Variants in ARMH3 observed in about 807,000 individuals in gnomAD.
The protein encoded by ARMH3 is armadillo-like helical domain-containing protein 3.
In ARMH3, 60 loss-of-function variants were observed where a neutral mutation model predicts 99.1. The ratio of observed to expected loss-of-function variants is 0.61; its 90% CI spans 0.49 to 0.75. ARMH3 has a LOEUF of 0.75. Among genes scored for constraint, ARMH3 ranks in the 30% least tolerant of loss-of-function variants. The probability of loss-of-function intolerance (pLI) is 0.00; values close to 1 mark genes in which losing one functional copy is unlikely to be tolerated. For missense variants in ARMH3, 679 were observed against 843.1 expected (o/e 0.81, Z 2.41); for synonymous variants, 285 against 292.8 (o/e 0.97, Z 0.27).
At chr10:101,951,115 A>G (rs1024104432) in intron 22 of ARMH3, among the ~76,000 whole-genome samples, 3 of 152,258 alleles carry the variant, frequency 2.0e-5, no homozygotes, top group African/African-American at 7.2e-5. Context: ...CAAGATTTTC[A>G]TGTTGTAAAA....
chr10:101,889,793 C>T (rs895634994), intron 23 of ARMH3: 4 of 306,514 alleles, frequency 1.3e-5, no homozygotes, highest in Middle Eastern at 2.1e-3. Context: ...AAAGGGAACC[C>T]AGAGGGCTGT....
At chr10:101,943,981 G>A (rs1040146521) in intron 22 of ARMH3, among the ~76,000 whole-genome samples, 10 of 149,780 alleles carry the variant, frequency 6.7e-5, no homozygotes, top group South Asian at 4.2e-4. Flanking sequence ...GGAGAATGGC[G>A]TGAACCTGGG....
chr10:101,961,519 A>G (rs1259414094), intron 20 of ARMH3, among the ~76,000 whole-genome samples: 4 of 152,228 alleles, frequency 2.6e-5, no homozygotes, highest in African/African-American at 9.6e-5. Flanking sequence ...TTTATAAACT[A>G]TTATGGACCG....
chr10:101,866,967 T>C (rs745799378), intron 24 of ARMH3, among the ~76,000 whole-genome samples: 7 of 151,874 alleles, frequency 4.6e-5, no homozygotes, highest in Non-Finnish European at 8.8e-5. Flanking sequence ...TAGACAAAAG[T>C]ACCCTATTCT....
rs2066750612 is a variant in ARMH3, at chr10:102,016,330, C to A, written c.670-2306G>T. On this transcript the variant is annotated intron_variant, in intron 8 of 25. Transcript: ENST00000370033. ...TCAGATTTGGGGGCATTTTGAATTT[C>A]AGATTTTCAGATAAGAAATGGTCAA... Among the ~76,000 whole-genome samples, 4 of 152,126 alleles carry A rather than the reference C, an allele frequency of 2.6e-5. No individual in the cohort carries two copies. The South Asian group carries it at 8.3e-4, about 31-fold the overall frequency.
At position 102,002,040 on chromosome 10, in the gene ARMH3, C is replaced by G; in HGVS notation, c.1081G>C (p.Asp361His). The G allele has an allele frequency of 6.2e-7, 1 of 1,614,184 alleles. No homozygotes were observed. Among genetic ancestry groups the G allele is most frequent in the Non-Finnish European group, 8.5e-7 (1 of 1,180,026 alleles). ...ATCAGTAGATTACTGGTCTGTACAT[C>G]TGCATCCAGTGGGAGTTCCACAGAA... is the stretch of plus-strand genomic sequence containing the variant. ...ISSVELPLDA[D>H]VQTSNLLITF... Residue 361 changes from aspartate (D) to histidine (H), a missense_variant, in exon 15 of 26, where the codon GAT becomes CAT. By Grantham distance (81) the Asp-to-His change is moderately conservative. Around this residue, in one of 3 missense-constraint regions of ARMH3, gnomAD observed 389 missense variants for 456.5 expected, o/e 0.85. Coordinates refer to ENST00000370033, the MANE Select transcript of ARMH3 (RefSeq NM_024541.3).
chr10:101,960,759 G>A (rs1329930091), intron 20 of ARMH3, among the ~76,000 whole-genome samples: 14 of 151,638 alleles, frequency 9.2e-5, no homozygotes, highest in African/African-American at 3.2e-4. Context: ...GCACGGTGGC[G>A]GGCACCTGTA....
At position 102,023,633 on chromosome 10, in the gene ARMH3, G is replaced by A; in HGVS notation, c.582+42C>T. 3.7e-6 allele frequency: 6 copies of A among 1,609,946 alleles called. No homozygotes were observed. In the South Asian group the frequency reaches 5.5e-5, roughly 15 times the overall value. ...CCTGAGAACACAGAGAAAATTTGAA[G>A]AGGTGGTTTACCCCAAAGAGAGGAG... On this transcript the variant is annotated intron_variant, in intron 7 of 25. Coordinates refer to ENST00000370033, the MANE Select transcript of ARMH3 (RefSeq NM_024541.3).
chr10:101,911,154 G>A (rs1590005310), intron 23 of ARMH3, among the ~76,000 whole-genome samples: 2 of 151,180 alleles, frequency 1.3e-5, no homozygotes, highest in Admixed American at 6.6e-5. Flanking sequence ...AAAAAAAAAA[G>A]AGACAGAAGG....
chr10:102,002,874 T>C (rs2066394591), intron 14 of ARMH3, among the ~76,000 whole-genome samples: 1 of 151,536 alleles, frequency 6.6e-6, no homozygotes, highest in South Asian at 2.1e-4. Flanking sequence ...GGCAGGAGAA[T>C]TGCTTGAAAC....
intron 22 of ARMH3, among the ~76,000 whole-genome samples, chr10:101,954,564 T>C (rs374139253): frequency 5.3e-5 from 8 of 152,346 alleles, no homozygotes; most frequent in African/African-American, 1.9e-4. Context: ...ATTTTTTGGA[T>C]AGTGAAACTC....
intron 15 of ARMH3, among the ~76,000 whole-genome samples, chr10:102,000,226 TATACTAGAA>T (rs1464180902): frequency 2.0e-5 from 3 of 152,218 alleles, no homozygotes; most frequent in Non-Finnish European, 4.4e-5. Context: ...TCAACTTCTG[TATACTAGAA>T]TTTTTTCATT....
At chr10:101,911,416 G>A (rs1842860112) in intron 23 of ARMH3, among the ~76,000 whole-genome samples, 1 of 152,192 alleles carries the variant, frequency 6.6e-6, no homozygotes, top group South Asian at 2.1e-4. Context: ...AAAGCAAGAA[G>A]GCTAACAAAG....
At chr10:102,036,277 C>T (rs1272197094) in intron 2 of ARMH3, among the ~76,000 whole-genome samples, 4 of 142,958 alleles carry the variant, frequency 2.8e-5, no homozygotes, top group East Asian at 2.1e-4. Context: ...TCCGCCCGGC[C>T]GCCGCCCCGT....
intron 22 of ARMH3, among the ~76,000 whole-genome samples, chr10:101,945,119 T>C (rs533698802): frequency 1.3e-5 from 2 of 152,302 alleles, no homozygotes; most frequent in South Asian, 2.1e-4. Context: ...AGACAGATTA[T>C]AGAGGGAAGT....
chr10:102,047,756 G>A (rs2067591584), intron 1 of ARMH3, among the ~76,000 whole-genome samples: 1 of 152,078 alleles, frequency 6.6e-6, no homozygotes, highest in South Asian at 2.1e-4. Context: ...CCAAAGTGCT[G>A]GGATTACAGG....
intron 24 of ARMH3, among the ~76,000 whole-genome samples, chr10:101,868,878 C>T (rs2067068086): frequency 6.6e-6 from 1 of 152,116 alleles, no homozygotes; most frequent in African/African-American, 2.4e-5. Flanking sequence ...TCAAGACTAG[C>T]TTGGCCAATA....
chr10:101,967,379 GCTCA>G (rs1845583454), intron 20 of ARMH3, among the ~76,000 whole-genome samples: 1 of 152,138 alleles, frequency 6.6e-6, no homozygotes, highest in Non-Finnish European at 1.5e-5. Context: ...CAATCAGCAG[GCTCA>G]CTGTCAATCA....
At chr10:101,923,182 A>G (rs1416243997) in intron 23 of ARMH3, among the ~76,000 whole-genome samples, 1 of 152,238 alleles carries the variant, frequency 6.6e-6, no homozygotes, top group Non-Finnish European at 1.5e-5. Flanking sequence ...AGCAAGAGAC[A>G]GTTTAAGAAG....
Sources: allele counts gnomAD v4.1 joint callset (sites outside exome capture counted in the v4.1 genomes callset), GRCh38; gene constraint gnomAD v4.1.1; regional missense constraint gnomAD v4.1.1; transcripts MANE v1.5; gene names NCBI Gene and HGNC (gene_info 2026-07-23, HGNC 2026-07-21).